UNC93A: variants seen among roughly 807,000 people sequenced by gnomAD.
UNC93A encodes the protein unc-93 homolog A.
A neutral mutation model predicts 47.5 loss-of-function variants in UNC93A; 43 were observed. That is an observed-to-expected ratio of 0.91 (90% CI 0.71 to 1.17). The LOEUF (loss-of-function observed/expected upper bound fraction) is 1.17. Among genes scored for constraint, UNC93A ranks in the 50% most tolerant of loss-of-function variants. The pLI is 0.00. For missense variants in UNC93A, 605 were observed against 577.6 expected (o/e 1.05, Z -0.49); for synonymous variants, 280 against 258.0 (o/e 1.09, Z -0.82).
At position 167,297,949 on chromosome 6, in the gene UNC93A, C is replaced by A; in HGVS notation, c.504C>A (p.Thr168=). ...CTGTCCACTCTGACTTCATAGAGAC[C>A]CTTCCAGAAGAGCAGCTCACGTCCT... ...LVFGQTPSQE[T]LPEEQLTSCG... Residue 168 remains threonine, a synonymous_variant, in exon 4 of 8, where the codon ACC becomes ACA. Coordinates refer to ENST00000230256, the MANE Select transcript of UNC93A (RefSeq NM_018974.4). 1 of 1,613,858 alleles carries A rather than the reference C, an allele frequency of 6.2e-7. No homozygotes were observed. The highest frequency in any genetic ancestry group is 1.1e-5 in the South Asian group (1 of 91,052).
At chr6:167,272,927 T>C (rs1458354106) in intron 1 of UNC93A, among the ~76,000 whole-genome samples, 2 of 152,100 alleles carry the variant, frequency 1.3e-5, no homozygotes, top group Non-Finnish European at 2.9e-5. Flanking sequence ...CGGCCCCCAC[T>C]TCCCGTCGTG....
At chr6:167,284,307 C>G (rs73790174) in intron 1 of UNC93A, among the ~76,000 whole-genome samples, 4 of 151,748 alleles carry the variant, frequency 2.6e-5, no homozygotes, top group African/African-American at 7.3e-5. Flanking sequence ...ATAACAGTTG[C>G]GTGAGCTTCT....
chr6:167,282,749 C>T (rs446043), intron 1 of UNC93A, among the ~76,000 whole-genome samples: 3,587 of 152,108 alleles, frequency 0.024, 141 homozygotes, highest in African/African-American at 0.076. Flanking sequence ...AACATGTGCC[C>T]AAGGTGGTTG....
intron 3 of UNC93A, among the ~76,000 whole-genome samples, chr6:167,296,497 G>T (rs1015032649): frequency 6.6e-6 from 1 of 152,328 alleles, no homozygotes; most frequent in Non-Finnish European, 1.5e-5. Context: ...AGGTGCCTCC[G>T]CAGGGGCAGG....
chr6:167,278,267 G>A (rs1783576004), intron 1 of UNC93A, among the ~76,000 whole-genome samples: 1 of 152,200 alleles, frequency 6.6e-6, no homozygotes, highest in Non-Finnish European at 1.5e-5. Context: ...ACAACATGGT[G>A]TCTAGAATTT....
At chr6:167,276,743 C>T (rs2115075315) in intron 1 of UNC93A, among the ~76,000 whole-genome samples, 2 of 151,576 alleles carry the variant, frequency 1.3e-5, no homozygotes, top group Non-Finnish European at 2.9e-5. Flanking sequence ...GTTGTTTGTC[C>T]TCCCTTTCTC....
intron 1 of UNC93A, 106 bp from the exon 2 acceptor site, chr6:167,294,411 C>T (rs1366141032): frequency 1.4e-6 from 2 of 1,381,114 alleles, no homozygotes; most frequent in Non-Finnish European, 2.0e-6. Context: ...CTGGCGGTTC[C>T]TGGGAGCTGT....
chr6:167,296,705 T>C (rs1215349233), intron 3 of UNC93A, among the ~76,000 whole-genome samples: 1 of 152,232 alleles, frequency 6.6e-6, no homozygotes, highest in Non-Finnish European at 1.5e-5. Flanking sequence ...GATGTGGACA[T>C]TGGATGGGCT....
chr6:167,295,637 G>GCCTCGTGCTCCTCGCCTC (rs1562350416), intron 2 of UNC93A, among the ~76,000 whole-genome samples: 5 of 21,326 alleles, frequency 2.3e-4, no homozygotes, highest in East Asian at 8.1e-4. Context: ...CTCCTCGCCT[G>GCCTCGTGCTCCTCGCCTC]CCTCGTGCTC....
intron 4 of UNC93A, among the ~76,000 whole-genome samples, chr6:167,302,933 C>T (rs1157760860): frequency 6.6e-6 from 1 of 152,138 alleles, no homozygotes; most frequent in Non-Finnish European, 1.5e-5. Flanking sequence ...CCGTCCTGCT[C>T]ACCCCGCCCA....
intron 1 of UNC93A, among the ~76,000 whole-genome samples, chr6:167,275,853 G>A (rs1230055976): frequency 6.6e-6 from 1 of 152,170 alleles, no homozygotes; most frequent in Non-Finnish European, 1.5e-5. Context: ...TCAGATTGGT[G>A]AAAGTGCAAT....
chr6:167,275,753 C>G (rs1344663013), intron 1 of UNC93A, among the ~76,000 whole-genome samples: 1 of 152,242 alleles, frequency 6.6e-6, no homozygotes, highest in Non-Finnish European at 1.5e-5. Context: ...TCATCTGTGT[C>G]CAGCTCAGAT....
At chr6:167,273,610 TC>T (rs1562338323) in intron 1 of UNC93A, among the ~76,000 whole-genome samples, 1 of 151,444 alleles carries the variant, frequency 6.6e-6, no homozygotes, top group Non-Finnish European at 1.5e-5. Flanking sequence ...CGTGACACAG[TC>T]CTCAGGAGAC....
upstream of UNC93A, among the ~76,000 whole-genome samples, chr6:167,288,723 C>T (rs1213771573): frequency 6.6e-6 from 1 of 152,228 alleles, no homozygotes; most frequent in African/African-American, 2.4e-5. Context: ...GGTAGACTTC[C>T]CTTAAATTAA....
At chr6:167,310,742 G>C (rs960092530) in intron 7 of UNC93A, among the ~76,000 whole-genome samples, 1 of 152,134 alleles carries the variant, frequency 6.6e-6, no homozygotes, top group Non-Finnish European at 1.5e-5. Flanking sequence ...TTAGCCAGGC[G>C]TGATGGCACA....
intron 4 of UNC93A, among the ~76,000 whole-genome samples, chr6:167,301,543 C>T (rs1383664778): frequency 6.6e-6 from 1 of 152,180 alleles, no homozygotes; most frequent in Non-Finnish European, 1.5e-5. Context: ...AAGAGCCATT[C>T]TCTTTAGAAT....
intron 1 of UNC93A, among the ~76,000 whole-genome samples, chr6:167,276,284 T>G (rs1309531865): frequency 6.6e-6 from 1 of 151,894 alleles, no homozygotes; most frequent in Non-Finnish European, 1.5e-5. Context: ...TTCCATATCT[T>G]GGCTATTGTG....
Position 167,315,352 on chromosome 6 carries a change from A to G in UNC93A, c.1274A>G (p.Tyr425Cys), listed in dbSNP as rs201208848. 1 of 1,613,904 alleles carries G rather than the reference A, an allele frequency of 6.2e-7. No homozygotes were observed. Among genetic ancestry groups the G allele is most frequent in the East Asian group, 2.2e-5 (1 of 44,878 alleles). ...GTCCTGAGCCTGACCATGGTGGCGT[A>G]TGGGCTTGTGGAGTGCGTGGAGTCC... is the stretch of plus-strand genomic sequence containing the variant. ...LGVLSLTMVA[Y>C]GLVECVESKN... The change falls in exon 8 of 8, where the codon TAT (tyrosine) becomes TGT (cysteine). Residue 425 changes from tyrosine (Y) to cysteine (C), a missense_variant. Coordinates refer to ENST00000230256, the MANE Select transcript of UNC93A (RefSeq NM_018974.4).
At chr6:167,304,555 A>G (rs1375557928) in intron 5 of UNC93A, among the ~76,000 whole-genome samples, 1 of 85,162 alleles carries the variant, frequency 1.2e-5, no homozygotes, top group Non-Finnish European at 2.5e-5. Context: ...TTATCTCTCT[A>G]GTTTTTTTTT....
Sources: gnomAD v4.1 joint callset for allele counts (sites outside exome capture counted in the v4.1 genomes callset) on GRCh38, gnomAD v4.1.1 for gene constraint, MANE v1.5 for transcripts, NCBI Gene and HGNC (gene_info 2026-07-23, HGNC 2026-07-21) for gene names.